The following RPS6KC1 variants were observed in gnomAD, a reference collection of about 807,000 sequenced individuals.
RPS6KC1 encodes inactive ribosomal protein S6 kinase delta-1.
Under a neutral mutation model 103.8 loss-of-function variants are expected in RPS6KC1, and 54 were observed. That is an observed-to-expected ratio of 0.52 (90% confidence interval 0.42 to 0.65). The LOEUF (loss-of-function observed/expected upper bound fraction) is 0.65. RPS6KC1 is among the 30% of genes least tolerant of loss of function. The pLI is 0.00. For missense variants in RPS6KC1, 1,151 were observed against 1,253.8 expected, an observed-to-expected ratio of 0.92 and a Z score of 1.24; for synonymous variants, 439 against 438.7, an observed-to-expected ratio of 1.00 and a Z score of -0.01.
chr1:213,492,141 G>A, the RPS6KC1 span, among the ~76,000 whole-genome samples: 2 of 152,194 alleles, frequency 1.3e-5, no homozygotes, highest in African/African-American at 2.4e-5. Flanking sequence ...ACACCATTGT[G>A]TGCATAGAGG....
the RPS6KC1 span, among the ~76,000 whole-genome samples, chr1:213,557,745 A>T: frequency 6.6e-6 from 1 of 151,968 alleles, no homozygotes; most frequent in African/African-American, 2.4e-5. Context: ...ATTGTTGAGG[A>T]TTTTCTTTTA....
the RPS6KC1 span, among the ~76,000 whole-genome samples, chr1:213,599,739 T>G: frequency 6.6e-6 from 1 of 152,224 alleles, no homozygotes; most frequent in African/African-American, 2.4e-5. Context: ...AAATGTGGAT[T>G]CGAAGGGCAT....
the RPS6KC1 span, among the ~76,000 whole-genome samples, chr1:213,534,355 G>A: frequency 0.014 from 2,175 of 152,292 alleles, 47 homozygotes; most frequent in African/African-American, 0.049. Flanking sequence ...GTGCTAGGGA[G>A]TATTCTAAAC....
At chr1:213,404,870 T>C in the RPS6KC1 span, among the ~76,000 whole-genome samples, 2 of 152,244 alleles carry the variant, frequency 1.3e-5, no homozygotes, top group African/African-American at 4.8e-5. Flanking sequence ...CTTAATTCAG[T>C]TCCTTTTAAG....
chr1:213,621,328 C>T, the RPS6KC1 span, among the ~76,000 whole-genome samples: 36 of 150,192 alleles, frequency 2.4e-4, no homozygotes, highest in Admixed American at 1.9e-3. Flanking sequence ...CAGGGACCCA[C>T]GCCAAGTATT....
chr1:213,432,663 C>T, the RPS6KC1 span, among the ~76,000 whole-genome samples: 1 of 152,114 alleles, frequency 6.6e-6, no homozygotes, highest in East Asian at 1.9e-4. Flanking sequence ...CTTTAGGCAG[C>T]CACTGATCTG....
the RPS6KC1 span, among the ~76,000 whole-genome samples, chr1:213,711,150 A>G: frequency 0.025 from 3,779 of 152,298 alleles, 165 homozygotes; most frequent in African/African-American, 0.086. Context: ...TTTCAGATAC[A>G]GCAATCAAAC....
At chr1:213,768,187 T>A in the RPS6KC1 span, among the ~76,000 whole-genome samples, 1 of 152,138 alleles carries the variant, frequency 6.6e-6, no homozygotes, top group African/African-American at 2.4e-5. Context: ...GGACTGTGAG[T>A]ATGATCCAGC....
chr1:213,839,307 T>C, the RPS6KC1 span, among the ~76,000 whole-genome samples: 51 of 152,184 alleles, frequency 3.4e-4, no homozygotes, highest in Admixed American at 3.3e-3. Context: ...GTTTCATAAG[T>C]GCATCTCTCT....
the RPS6KC1 span, among the ~76,000 whole-genome samples, chr1:213,618,325 T>G: frequency 6.6e-6 from 1 of 152,206 alleles, no homozygotes. Context: ...TGAGATCACG[T>G]GCATAAAAGC....
chr1:213,354,636 CAG>C, the RPS6KC1 span, among the ~76,000 whole-genome samples: 1 of 152,212 alleles, frequency 6.6e-6, no homozygotes, highest in Non-Finnish European at 1.5e-5. Context: ...GAGGACTCTG[CAG>C]AGTCTTAAGG....
the RPS6KC1 span, among the ~76,000 whole-genome samples, chr1:213,525,285 G>C: frequency 6.6e-6 from 1 of 152,148 alleles, no homozygotes; most frequent in Non-Finnish European, 1.5e-5. Flanking sequence ...CAGCTGTGGG[G>C]GTGTAAGAGA....
At chr1:213,380,068 T>C in the RPS6KC1 span, among the ~76,000 whole-genome samples, 1 of 152,164 alleles carries the variant, frequency 6.6e-6, no homozygotes, top group Non-Finnish European at 1.5e-5. Context: ...ATACATGGAA[T>C]CAACCTAAAT....
the RPS6KC1 span, among the ~76,000 whole-genome samples, chr1:213,509,446 G>A: frequency 6.6e-6 from 1 of 151,946 alleles, no homozygotes; most frequent in Admixed American, 6.6e-5. Context: ...TTAGTAAATG[G>A]TCGTTCAATT....
In RPS6KC1 at chr1:213,116,434, A is replaced by AG. The variant is rs1553330308; in HGVS notation, c.379-882dup. 3.3e-3 allele frequency among the ~76,000 whole-genome samples: 60 copies of AG among 18,110 alleles called. 9 individuals are homozygous for AG. In the East Asian group the frequency reaches 0.5, roughly 151 times the overall value. The allele number at this position is 18,110 out of a possible 152,430, so 11.9% of individuals were successfully genotyped here. A position where few individuals can be genotyped will look rare whatever the true frequency, so the allele number is the denominator to read the frequency against. ...GATCTTCCTCCATCCTTTTATTTTG[A>AG]GCTATGTGTGTCTCTGCACGTGAGA... On this transcript the variant is annotated intron_variant, in intron 4 of 14. Coordinates refer to ENST00000366960, the MANE Select transcript of RPS6KC1 (RefSeq NM_012424.6).
At chr1:213,281,329 A>G in the RPS6KC1 span, among the ~76,000 whole-genome samples, 3 of 152,202 alleles carry the variant, frequency 2.0e-5, no homozygotes, top group Non-Finnish European at 4.4e-5. Flanking sequence ...AGAATTTGCT[A>G]TTTTGAGAAC....
At chr1:213,602,406 C>T in the RPS6KC1 span, among the ~76,000 whole-genome samples, 1 of 151,220 alleles carries the variant, frequency 6.6e-6, no homozygotes, top group Non-Finnish European at 1.5e-5. Flanking sequence ...GCTAGTTTCT[C>T]TTTTTTAGTA....
chr1:213,536,115 C>A, the RPS6KC1 span, among the ~76,000 whole-genome samples: 1 of 152,088 alleles, frequency 6.6e-6, no homozygotes, highest in Non-Finnish European at 1.5e-5. Context: ...TACGATGAAG[C>A]CAAAGAATCT....
chr1:213,091,245 A>G (rs2080935556), intron 3 of RPS6KC1, among the ~76,000 whole-genome samples: 1 of 152,034 alleles, frequency 6.6e-6, no homozygotes, highest in African/African-American at 2.4e-5. Flanking sequence ...TATTTTTAGT[A>G]GAGACGGAGT....
Sources: allele counts gnomAD v4.1 joint callset (sites outside exome capture counted in the v4.1 genomes callset), GRCh38; gene constraint gnomAD v4.1.1; transcripts MANE v1.5; gene names NCBI Gene and HGNC (gene_info 2026-07-23, HGNC 2026-07-21).